The following SAXO1 variants were observed in gnomAD, a reference collection of about 807,000 sequenced individuals.
The protein encoded by SAXO1 is 4930500O09Rik.
In SAXO1, 21 loss-of-function variants were observed where a neutral mutation model predicts 17.5. That is an observed-to-expected ratio of 1.20 (90% CI 0.85 to 1.72). The LOEUF (loss-of-function observed/expected upper bound fraction) is 1.72. Among genes scored for constraint, SAXO1 ranks in the 40% most tolerant of loss-of-function variants. SAXO1 has a pLI of 0.00. For synonymous variants in SAXO1, 274 were observed against 216.5 expected (o/e 1.27, Z -2.33); for missense variants, 843 against 596.0 (o/e 1.41, Z -4.32).
At chr9:19,027,560 C>A in intron 1 of SAXO1, 1 of 1,275,600 alleles carries the variant, frequency 7.8e-7, no homozygotes, top group East Asian at 2.3e-5. Context: ...CTGTAGGGCA[C>A]AGACTAAGGC....
rs548632851 is a variant in SAXO1, at chr9:19,000,753, C to A, written c.38+32118G>T. ...AAGGAATGGAGGAAGATCTACCAAG[C>A]AAATGGAAAGCAAAAAAAAGCAGGG... On this transcript the variant is annotated intron_variant, in intron 1 of 3. Coordinates refer to ENST00000380534, the MANE Select transcript of SAXO1 (RefSeq NM_153707.4). 1.6e-3 allele frequency among the ~76,000 whole-genome samples: 243 copies of A among 151,988 alleles called. 1 individual carries two copies. Among genetic ancestry groups the A allele is most frequent in the Non-Finnish European group, 3.1e-3 (210 of 67,966 alleles).
intron 2 of SAXO1, among the ~76,000 whole-genome samples, chr9:18,946,305 A>T (rs1831794541): frequency 6.7e-6 from 1 of 148,536 alleles, no homozygotes; most frequent in East Asian, 1.9e-4. Flanking sequence ...AAAAAAAAAA[A>T]GAGGACCAAG....
chr9:18,949,403 G>C (rs1831929370), intron 2 of SAXO1, among the ~76,000 whole-genome samples: 1 of 152,104 alleles, frequency 6.6e-6, no homozygotes, highest in African/African-American at 2.4e-5. Context: ...GCTGCACTGA[G>C]CGATGATCAC....
At chr9:18,950,657 T>C (rs1467484143) in intron 2 of SAXO1, 101 bp downstream of exon 2, 3 of 984,546 alleles carry the variant, frequency 3.0e-6, no homozygotes, top group Admixed American at 2.4e-5. Context: ...TGCACATTAA[T>C]GCATTAGCAC....
upstream of SAXO1, among the ~76,000 whole-genome samples, chr9:19,035,149 C>T (rs1208351344): frequency 6.6e-6 from 1 of 152,204 alleles, no homozygotes; most frequent in African/African-American, 2.4e-5. Flanking sequence ...TACCCTGACC[C>T]ATCTGATATG....
rs754550843 is a variant in SAXO1, at chr9:18,928,957, G to C, written c.520C>G (p.Gln174Glu). The change falls in exon 4 of 4, where the codon CAG (glutamine) becomes GAG (glutamate). Residue 174 changes from glutamine (Q) to glutamate (E), a missense_variant. Coordinates refer to ENST00000380534, the MANE Select transcript of SAXO1 (RefSeq NM_153707.4). ...SVRFDNRTTH[Q>E]DDYPIKGLVK... Reference sequence around the variant, plus strand: ...AGGCCTTTTATGGGGTAATCGTCCTGGTGTGTGGTTCTGTTATCAAACCTG... The same window carrying C: ...AGGCCTTTTATGGGGTAATCGTCCTCGTGTGTGGTTCTGTTATCAAACCTG... The C allele has an allele frequency of 2.5e-6, 4 of 1,614,184 alleles. No homozygotes were observed. The South Asian group carries it at 4.4e-5, about 18-fold the overall frequency.
intron 3 of SAXO1, among the ~76,000 whole-genome samples, chr9:18,930,358 T>A (rs534735762): frequency 4.6e-5 from 7 of 152,176 alleles, no homozygotes; most frequent in Non-Finnish European, 1.0e-4. Context: ...GAGGACCAGA[T>A]ACTGTCTTCA....
At chr9:19,022,933 G>A (rs1835309499) in intron 1 of SAXO1, among the ~76,000 whole-genome samples, 1 of 152,086 alleles carries the variant, frequency 6.6e-6, no homozygotes, top group Non-Finnish European at 1.5e-5. Context: ...TTGTTTTGAA[G>A]ACTTGCAAAG....
intron 1 of SAXO1, among the ~76,000 whole-genome samples, chr9:18,991,603 A>T (rs976619383): frequency 1.3e-5 from 2 of 152,156 alleles, no homozygotes; most frequent in African/African-American, 2.4e-5. Flanking sequence ...CATTAGGAGA[A>T]ATACCTAATG....
intron 3 of SAXO1, among the ~76,000 whole-genome samples, chr9:18,938,784 A>C (rs7857430): frequency 6.8e-6 from 1 of 147,122 alleles, no homozygotes; most frequent in Non-Finnish European, 1.5e-5. Flanking sequence ...TTAAACAAAG[A>C]GTACTGCTGG....
intron 1 of SAXO1, among the ~76,000 whole-genome samples, chr9:19,018,644 G>A (rs577774159): frequency 6.6e-6 from 1 of 152,306 alleles, no homozygotes; most frequent in Middle Eastern, 3.4e-3. Flanking sequence ...ATAATCAGGG[G>A]ACGTTGTGGA....
intron 1 of SAXO1, among the ~76,000 whole-genome samples, chr9:18,987,112 A>G (rs761535755): frequency 6.6e-6 from 1 of 152,244 alleles, no homozygotes; most frequent in Non-Finnish European, 1.5e-5. Flanking sequence ...AAACAAAAAA[A>G]CAGCAAAGTG....
chr9:18,932,181 T>A (rs1831083028), intron 3 of SAXO1, among the ~76,000 whole-genome samples: 1 of 152,252 alleles, frequency 6.6e-6, no homozygotes, highest in Non-Finnish European at 1.5e-5. Context: ...TTTATAGTTT[T>A]AGCTATTACA....
At chr9:19,034,110 AT>A (rs1407360591), upstream of SAXO1, among the ~76,000 whole-genome samples, 2 of 152,202 alleles carry the variant, frequency 1.3e-5, no homozygotes, top group Admixed American at 6.5e-5. Context: ...GACTTAAAAC[AT>A]TTTGACTTCC....
intron 1 of SAXO1, among the ~76,000 whole-genome samples, chr9:19,020,694 T>C (rs1188663447): frequency 6.6e-6 from 1 of 152,226 alleles, no homozygotes; most frequent in South Asian, 2.1e-4. Flanking sequence ...TCATCTATTA[T>C]GCTTGCTATG....
chr9:19,026,350 AC>A (rs1479926420), intron 1 of SAXO1, among the ~76,000 whole-genome samples: 2 of 152,206 alleles, frequency 1.3e-5, no homozygotes, highest in Non-Finnish European at 2.9e-5. Context: ...TAATTGATTG[AC>A]CTAAATTGTG....
At chr9:18,945,370 A>G (rs1422381673) in intron 2 of SAXO1, among the ~76,000 whole-genome samples, 2 of 152,172 alleles carry the variant, frequency 1.3e-5, no homozygotes, top group African/African-American at 4.8e-5. Context: ...CTTCCGTGAT[A>G]CCACTCCTCA....
chr9:19,026,905 G>C, intron 1 of SAXO1: 1 of 747,480 alleles, frequency 1.3e-6, no homozygotes, highest in Non-Finnish European at 2.5e-6. Context: ...GCAACCGTGT[G>C]GGATGAGGCC....
At chr9:19,027,682 C>G (rs1835554733) in intron 1 of SAXO1, 4 of 1,357,964 alleles carry the variant, frequency 2.9e-6, no homozygotes, top group Non-Finnish European at 2.1e-6. Context: ...CCTCCATCAT[C>G]TTCACTGATG....
Sources: gnomAD v4.1 joint callset for allele counts (sites outside exome capture counted in the v4.1 genomes callset) on GRCh38, gnomAD v4.1.1 for gene constraint, MANE v1.5 for transcripts, NCBI Gene and HGNC (gene_info 2026-07-23, HGNC 2026-07-21) for gene names.